Variants in SNX29 observed in about 807,000 individuals in gnomAD.
The protein encoded by SNX29 is sorting nexin-29.
In SNX29, 78 loss-of-function variants were observed where a neutral mutation model predicts 102.1. The ratio of observed to expected loss-of-function variants is 0.76; its 90% CI spans 0.64 to 0.92. The LOEUF (loss-of-function observed/expected upper bound fraction) is 0.92, where lower values mean the gene tolerates loss of function less well. Among genes scored for constraint, SNX29 ranks in the 40% least tolerant of loss-of-function variants. The pLI is 0.00. For synonymous variants in SNX29, 580 were observed against 414.5 expected (o/e 1.40, Z -4.85); for missense variants, 1,280 against 1,061.7 (o/e 1.21, Z -2.86).
intron 16 of SNX29, 144 bp from the exon 17 acceptor site, chr16:12,398,302 C>A (rs548089168): frequency 8.3e-6 from 7 of 847,778 alleles, no homozygotes; most frequent in Admixed American, 2.2e-5. Flanking sequence ...CAATCTCTTA[C>A]CGTTTTCCAG....
intron 20 of SNX29, among the ~76,000 whole-genome samples, chr16:12,535,241 C>G (rs118106197): frequency 6.6e-6 from 1 of 152,136 alleles, no homozygotes; most frequent in East Asian, 1.9e-4. Flanking sequence ...TGGGCTCAAG[C>G]GACTTTTGTG....
At chr16:12,287,120 CT>C (rs2079623568) in intron 15 of SNX29, among the ~76,000 whole-genome samples, 1 of 152,294 alleles carries the variant, frequency 6.6e-6, no homozygotes, top group African/African-American at 2.4e-5. Flanking sequence ...GCTTTTCTGT[CT>C]TTTGGATGTG....
At chr16:12,418,247 C>T (rs2084723948) in intron 18 of SNX29, among the ~76,000 whole-genome samples, 1 of 152,216 alleles carries the variant, frequency 6.6e-6, no homozygotes, top group East Asian at 1.9e-4. Flanking sequence ...CACTTTTCAC[C>T]AATTGCCGCA....
chr16:12,559,227 A>G (rs1279311047), intron 20 of SNX29, among the ~76,000 whole-genome samples: 1 of 151,666 alleles, frequency 6.6e-6, no homozygotes, highest in Non-Finnish European at 1.5e-5. Context: ...ATTTACAGCC[A>G]CTCCCCATCA....
intron 15 of SNX29, among the ~76,000 whole-genome samples, chr16:12,330,100 T>C (rs1432211747): frequency 6.6e-6 from 1 of 152,192 alleles, no homozygotes; most frequent in Non-Finnish European, 1.5e-5. Flanking sequence ...TTAAATAATT[T>C]ACAGCTTAAG....
At position 12,396,755 on chromosome 16, in the gene SNX29, G is replaced by C. The variant is rs77161133; in HGVS notation, c.1900-1691G>C. On this transcript the variant is annotated intron_variant, in intron 16 of 20. Transcript: ENST00000566228. ...TTTCTGGATTTGAGTGAAATGCATGGAGTGGGATGAGGTGGAAAGGGTATT... is the reference window on the plus strand; with the variant it reads ...TTTCTGGATTTGAGTGAAATGCATGCAGTGGGATGAGGTGGAAAGGGTATT... Among the ~76,000 whole-genome samples the C allele has an allele frequency of 1.5e-3, 224 of 152,314 alleles. 8 individuals are homozygous for C. In the East Asian group the frequency reaches 0.038, roughly 26 times the overall value.
chr16:12,184,482 G>C (rs372994225), intron 13 of SNX29, among the ~76,000 whole-genome samples: 1 of 152,204 alleles, frequency 6.6e-6, no homozygotes, highest in African/African-American at 2.4e-5. Context: ...AGATCTCCTA[G>C]AGCCTCCTGC....
chr16:12,237,351 C>A (rs1025643842), intron 14 of SNX29, among the ~76,000 whole-genome samples: 1 of 152,208 alleles, frequency 6.6e-6, no homozygotes, highest in Non-Finnish European at 1.5e-5. Flanking sequence ...TGGGCAGTTT[C>A]CCCTGCTTTA....
intron 18 of SNX29, among the ~76,000 whole-genome samples, chr16:12,440,388 C>A (rs901329700): frequency 5.9e-5 from 9 of 152,186 alleles, no homozygotes; most frequent in African/African-American, 2.2e-4. Flanking sequence ...CTCCATCACC[C>A]CCACAACCCT....
chr16:12,395,618 T>A (rs1292546314), intron 16 of SNX29, among the ~76,000 whole-genome samples: 1 of 152,162 alleles, frequency 6.6e-6, no homozygotes, highest in African/African-American at 2.4e-5. Flanking sequence ...GAGATAGCCA[T>A]GTTGCTGATG....
At chr16:12,328,677 A>G (rs1235347865) in intron 15 of SNX29, among the ~76,000 whole-genome samples, 1 of 152,168 alleles carries the variant, frequency 6.6e-6, no homozygotes, top group Non-Finnish European at 1.5e-5. Context: ...TTTCACTTGG[A>G]TGCCCTCTAA....
At position 12,571,967 on chromosome 16, in the gene SNX29, G is replaced by A. The variant is rs935371183; in HGVS notation, c.*3338G>A. ...AGGGAAGAGGCTCTTACAGTCTATG[G>A]TGGTAGCCATCTTCACATCCAGTCA... On this transcript the variant is annotated 3_prime_UTR_variant, in exon 21 of 21. Coordinates refer to ENST00000566228, the MANE Select transcript of SNX29 (RefSeq NM_032167.5). The A allele has an allele frequency of 9.4e-7, 1 of 1,061,760 alleles. No individual in the cohort carries two copies. The highest frequency in any genetic ancestry group is 5.1e-5 in the East Asian group (1 of 19,704). The allele number at this position is 1,061,760 out of a possible 1,614,324, so 65.8% of individuals were successfully genotyped here. A position where few individuals can be genotyped will look rare whatever the true frequency, so the allele number is the denominator to read the frequency against.
intron 3 of SNX29, among the ~76,000 whole-genome samples, chr16:12,011,948 A>T (rs1483047501): frequency 6.6e-6 from 1 of 152,172 alleles, no homozygotes; most frequent in East Asian, 1.9e-4. Flanking sequence ...AATAAACTCA[A>T]AACTTTTTTT....
chr16:12,073,970 A>G (rs1243948341), intron 10 of SNX29, among the ~76,000 whole-genome samples: 2 of 152,062 alleles, frequency 1.3e-5, no homozygotes, highest in East Asian at 1.9e-4. Flanking sequence ...AGTCTCTTTT[A>G]TCAGAGACTA....
At chr16:11,978,125 C>T (rs2055342838) in intron 1 of SNX29, among the ~76,000 whole-genome samples, 1 of 151,660 alleles carries the variant, frequency 6.6e-6, no homozygotes, top group African/African-American at 2.4e-5. Context: ...TATTCAAGGG[C>T]AAGATTTGTG....
chr16:12,174,253 C>T (rs748308156), intron 13 of SNX29, among the ~76,000 whole-genome samples: 2 of 152,210 alleles, frequency 1.3e-5, no homozygotes, highest in Non-Finnish European at 2.9e-5. Flanking sequence ...TAGAGCGTCT[C>T]CCCTGTGCTT....
chr16:12,364,828 T>C (rs556434502), intron 16 of SNX29, among the ~76,000 whole-genome samples: 1 of 152,186 alleles, frequency 6.6e-6, no homozygotes, highest in Non-Finnish European at 1.5e-5. Context: ...TTGCTGCCTG[T>C]GGAACCACTG....
chr16:12,488,448 C>CT (rs397800981), intron 19 of SNX29, among the ~76,000 whole-genome samples: 2 of 152,084 alleles, frequency 1.3e-5, no homozygotes, highest in African/African-American at 4.8e-5. Context: ...CAGTCCCCCC[C>CT]GTCCCCGCAC....
At chr16:12,549,782 C>T (rs147477843) in intron 20 of SNX29, among the ~76,000 whole-genome samples, 2 of 152,252 alleles carry the variant, frequency 1.3e-5, no homozygotes, top group Non-Finnish European at 1.5e-5. Context: ...GTGATTTCTA[C>T]TTGCAGACAA....
Sources: allele counts gnomAD v4.1 joint callset (sites outside exome capture counted in the v4.1 genomes callset), GRCh38; gene constraint gnomAD v4.1.1; transcripts MANE v1.5; gene names NCBI Gene and HGNC (gene_info 2026-07-23, HGNC 2026-07-21).